The following CDKL5 variants were observed in gnomAD, a reference collection of about 807,000 sequenced individuals.
CDKL5 encodes cyclin-dependent kinase-like 5.
Under a neutral mutation model 61.7 loss-of-function variants are expected in CDKL5, and 8 were observed. That is an observed-to-expected ratio of 0.13 (90% CI 0.08 to 0.23). CDKL5 has a LOEUF of 0.23. Ranked by LOEUF, CDKL5 falls within the 10% of genes least tolerant of loss-of-function variation. CDKL5 has a pLI of 1.00. For synonymous variants in CDKL5, 275 were observed against 272.3 expected (o/e 1.01, Z -0.10); for missense variants, 440 against 734.5 (o/e 0.60, Z 4.63).
intron 1 of CDKL5, among the ~76,000 whole-genome samples, chrX:18,484,710 G>T (rs1225841693): frequency 1.8e-5 from 2 of 109,866 alleles, no homozygotes; most frequent in Non-Finnish European, 1.9e-5. Flanking sequence ...GTTTGTTTTT[G>T]ACACAGGATC....
At chrX:18,536,672 T>C (rs1249091822) in intron 3 of CDKL5, among the ~76,000 whole-genome samples, 1 of 109,012 alleles carries the variant, frequency 9.2e-6, no homozygotes, top group Non-Finnish European at 1.9e-5. Flanking sequence ...TCTCGAACTT[T>C]TGACCTCAGG....
chrX:18,484,117 G>C (rs1409962824), intron 1 of CDKL5, among the ~76,000 whole-genome samples: 1 of 111,818 alleles, frequency 8.9e-6, no homozygotes, highest in Non-Finnish European at 1.9e-5. Flanking sequence ...TGAATGTGTA[G>C]GGTTTATTCT....
intron 1 of CDKL5, among the ~76,000 whole-genome samples, chrX:18,439,587 C>G (rs1300188300): frequency 2.7e-5 from 3 of 111,155 alleles, no homozygotes; most frequent in African/African-American, 9.8e-5. Flanking sequence ...CGCTATATCC[C>G]AGCACTTTGG....
chrX:18,540,195 G>A lies in CDKL5; in HGVS notation c.100-24282G>A, dbSNP rs1373079247. Among the ~76,000 whole-genome samples, 14 of 110,354 alleles carry A rather than the reference G, an allele frequency of 1.3e-4. No homozygotes were observed. In the East Asian group the frequency reaches 3.9e-3, roughly 31 times the overall value. On this transcript the variant is annotated intron_variant, in intron 3 of 17. Transcript: ENST00000623535. Reference sequence around the variant, plus strand: ...TTGTTGTTGTTGTTGTTTGAGACAGGGTCTCATTTTGTCACCCAGGCTGGA... The same window carrying A: ...TTGTTGTTGTTGTTGTTTGAGACAGAGTCTCATTTTGTCACCCAGGCTGGA...
chrX:18,433,307 C>T, intron 1 of CDKL5, among the ~76,000 whole-genome samples: 1 of 111,480 alleles, frequency 9.0e-6, no homozygotes, highest in Non-Finnish European at 1.9e-5. Flanking sequence ...ATCCCTAGCA[C>T]TTTGGGAGGC....
At chrX:18,462,123 G>A (rs1258463364) in intron 1 of CDKL5, among the ~76,000 whole-genome samples, 1 of 104,413 alleles carries the variant, frequency 9.6e-6, no homozygotes, top group African/African-American at 3.5e-5. Context: ...TATCGTTAGT[G>A]TTAGAATATT....
chrX:18,649,053 A>G (rs1477257169), intron 20 of CDKL5, among the ~76,000 whole-genome samples: 1 of 109,140 alleles, frequency 9.2e-6, no homozygotes, highest in Non-Finnish European at 1.9e-5. Flanking sequence ...AAAAAAAAAA[A>G]AAAAAAGAAA....
At chrX:18,473,874 G>A (rs992819198) in intron 1 of CDKL5, among the ~76,000 whole-genome samples, 4 of 107,953 alleles carry the variant, frequency 3.7e-5, no homozygotes, top group African/African-American at 1.4e-4. Context: ...TGTATGAAAA[G>A]TAGGCCATCA....
At chrX:18,501,283 C>T (rs1922372115) in intron 1 of CDKL5, among the ~76,000 whole-genome samples, 1 of 111,272 alleles carries the variant, frequency 9.0e-6, no homozygotes, top group African/African-American at 3.3e-5. Flanking sequence ...AAGTGATTTT[C>T]GTGTCTCAGT....
intron 3 of CDKL5, among the ~76,000 whole-genome samples, chrX:18,515,266 TAGAG>T (rs1922975688): frequency 8.9e-6 from 1 of 112,153 alleles, no homozygotes; most frequent in South Asian, 3.7e-4. Context: ...TACAGCTTGA[TAGAG>T]AGAGGCTGGA....
At chrX:18,427,829 C>T (rs1931401397) in intron 1 of CDKL5, among the ~76,000 whole-genome samples, 1 of 109,606 alleles carries the variant, frequency 9.1e-6, no homozygotes, top group Admixed American at 9.8e-5. Context: ...ATTTTTTTAC[C>T]CCTTTTTCTC....
At chrX:18,552,430 C>A (rs973017998) in intron 3 of CDKL5, among the ~76,000 whole-genome samples, 2 of 111,472 alleles carry the variant, frequency 1.8e-5, no homozygotes. Context: ...ATGAGCCAGG[C>A]CAACAGGATA....
intron 3 of CDKL5, among the ~76,000 whole-genome samples, chrX:18,549,111 GTC>G (rs1452312793): frequency 2.7e-5 from 3 of 111,636 alleles, no homozygotes; most frequent in Non-Finnish European, 5.6e-5. Flanking sequence ...TTGCTCTACT[GTC>G]TCTAACGTCA....
intron 1 of CDKL5, among the ~76,000 whole-genome samples, chrX:18,491,017 C>T (rs985933282): frequency 2.7e-5 from 3 of 112,070 alleles, no homozygotes; most frequent in Non-Finnish European, 5.6e-5. Flanking sequence ...GTGACCCTCA[C>T]AGGAATAGCT....
At chrX:18,526,201 A>G in intron 3 of CDKL5, among the ~76,000 whole-genome samples, 1 of 112,658 alleles carries the variant, frequency 8.9e-6, no homozygotes, top group South Asian at 3.6e-4. Context: ...GGGTGCTAAT[A>G]TAAATTGTAT....
rs992821322 is a variant in CDKL5, at chrX:18,629,606, C to T, written c.*849C>T. ...GGAGTTGAATTGTGGCTACACGTGA[C>T]TGTAACAGTATGAACCTTGCTCAAC... is the stretch of plus-strand genomic sequence containing the variant. On this transcript the variant is annotated 3_prime_UTR_variant, in exon 18 of 18. Coordinates refer to ENST00000623535, the MANE Select transcript of CDKL5 (RefSeq NM_001323289.2). 1 of 752,951 alleles carries T rather than the reference C, an allele frequency of 1.3e-6. No individual in the cohort carries two copies. Among genetic ancestry groups the T allele is most frequent in the African/African-American group, 2.3e-5 (1 of 43,745 alleles). The allele number at this position is 752,951 out of a possible 1,213,427, so 62.1% of individuals were successfully genotyped here. A position where few individuals can be genotyped will look rare whatever the true frequency, so the allele number is the denominator to read the frequency against.
At chrX:18,508,649 T>A (rs1922673747) in intron 2 of CDKL5, among the ~76,000 whole-genome samples, 1 of 110,262 alleles carries the variant, frequency 9.1e-6, no homozygotes, top group African/African-American at 3.3e-5. Flanking sequence ...GGTGATCATC[T>A]TCTTTGGGAT....
intron 4 of CDKL5, among the ~76,000 whole-genome samples, chrX:18,568,695 T>C (rs1003325160): frequency 6.3e-5 from 7 of 110,788 alleles, no homozygotes. Flanking sequence ...GTGTCTTCTT[T>C]TTCAGGCTGT....
In CDKL5 at chrX:18,538,449, A is replaced by AT. The variant is rs1302076787; in HGVS notation, c.100-26018dup. ...TTAATTTTGTTAAGGTCATTTATCAATTTTTTTTTTCCTATGGACTGTGCT... is the reference window on the plus strand; with the variant it reads ...TTAATTTTGTTAAGGTCATTTATCAATTTTTTTTTTTCCTATGGACTGTGCT... On this transcript the variant is annotated intron_variant, in intron 3 of 17. Transcript: ENST00000623535. Among the ~76,000 whole-genome samples the AT allele has an allele frequency of 2.2e-4, 24 of 108,300 alleles. No homozygotes were observed. The South Asian group carries it at 3.1e-3, about 14-fold the overall frequency. 94.0% of individuals were successfully genotyped at this position (108,300 alleles called of 115,157 possible).
Sources: allele counts gnomAD v4.1 joint callset (sites outside exome capture counted in the v4.1 genomes callset), GRCh38; gene constraint gnomAD v4.1.1; transcripts MANE v1.5; gene names NCBI Gene and HGNC (gene_info 2026-07-23, HGNC 2026-07-21).